The following EEF2K variants were observed in gnomAD, a reference collection of about 807,000 sequenced individuals.
EEF2K encodes eukaryotic elongation factor 2 kinase.
EEF2K carries 70 observed loss-of-function variants against 93.8 expected under a neutral mutation model. The ratio of observed to expected loss-of-function variants is 0.75; its 90% CI spans 0.62 to 0.91. EEF2K has a LOEUF of 0.91. EEF2K is among the 40% of genes least tolerant of loss of function. The probability of loss-of-function intolerance (pLI) is 0.00; values close to 1 mark genes in which losing one functional copy is unlikely to be tolerated. For synonymous variants in EEF2K, 376 were observed against 380.8 expected, an observed-to-expected ratio of 0.99 and a Z score of 0.15; for missense variants, 935 against 972.9, an observed-to-expected ratio of 0.96 and a Z score of 0.52.
intron 15 of EEF2K, among the ~76,000 whole-genome samples, chr16:22,267,971 C>T (rs986369450): frequency 2.6e-5 from 4 of 152,094 alleles, no homozygotes; most frequent in Admixed American, 1.3e-4. Context: ...CTCCCCATCA[C>T]GTGGGCCAAC....
At chr16:22,259,532 GTC>G (rs2141675439) in intron 10 of EEF2K, among the ~76,000 whole-genome samples, 1 of 152,276 alleles carries the variant, frequency 6.6e-6, no homozygotes, top group South Asian at 2.1e-4. Context: ...AGGTCATTCA[GTC>G]TCTGCATTTG....
chr16:22,280,477 G>A (rs2047682575), intron 17 of EEF2K, 101 bp downstream of exon 17: 1 of 1,248,470 alleles, frequency 8.0e-7, no homozygotes, highest in Non-Finnish European at 1.0e-6. Flanking sequence ...ATGACAGGCT[G>A]AATCTTCTTC....
chr16:22,228,825 A>G (rs2047088907), intron 2 of EEF2K, among the ~76,000 whole-genome samples: 1 of 152,232 alleles, frequency 6.6e-6, no homozygotes, highest in Admixed American at 6.5e-5. Flanking sequence ...GAGGCAGGCA[A>G]TAAGCTTGGA....
rs754314099 is a variant in EEF2K, at chr16:22,258,631, C to A, written c.1167C>A (p.Thr389=). The A allele has an allele frequency of 7.4e-6, 12 of 1,614,172 alleles. No homozygotes were observed. The East Asian group carries it at 2.7e-4, about 36-fold the overall frequency. The stretch of plus-strand genomic sequence containing the variant: ...GAGACGAGAACATGAGCGACGTGAC[C>A]TTCGACTCTCTCCCTTCTTCCCCAT... ...NSGDENMSDV[T]FDSLPSSPSS... is the part of the protein sequence containing the mutation. The change falls in exon 10 of 18, where the codon ACC becomes ACA. Residue 389 remains threonine, a synonymous_variant. Coordinates refer to ENST00000263026, the MANE Select transcript of EEF2K (RefSeq NM_013302.5).
intron 16 of EEF2K, among the ~76,000 whole-genome samples, chr16:22,277,814 G>T (rs1445396755): frequency 1.3e-5 from 2 of 151,358 alleles, no homozygotes; most frequent in East Asian, 1.9e-4. Flanking sequence ...ACAGAAATTT[G>T]CTGGCTCTTA....
At chr16:22,283,062 A>G (rs2047711680) in intron 17 of EEF2K, among the ~76,000 whole-genome samples, 1 of 152,192 alleles carries the variant, frequency 6.6e-6, no homozygotes, top group Non-Finnish European at 1.5e-5. Context: ...TAATCCCAGC[A>G]CTTTGGGAGG....
rs1567282364 is a variant in EEF2K, at chr16:22,260,541, G to C, written c.1299+12G>C. ...TAGACAACCACCGGGTGAGTGTGAA[G>C]GGAGGGAGGCTGCAGGCTTCAGACC... On this transcript the variant is annotated intron_variant, in intron 11 of 17. Transcript: ENST00000263026. 6.2e-7 allele frequency: 1 copy of C among 1,613,986 alleles called. No individual in the cohort carries two copies. Among genetic ancestry groups the C allele is most frequent in the Non-Finnish European group, 8.5e-7 (1 of 1,180,022 alleles).
intron 10 of EEF2K, among the ~76,000 whole-genome samples, chr16:22,259,392 G>A (rs1210371570): frequency 6.6e-6 from 1 of 152,204 alleles, no homozygotes; most frequent in African/African-American, 2.4e-5. Flanking sequence ...CTTTGAAAGA[G>A]AGAAAGATTT....
chr16:22,225,623 A>G (rs1036909870), intron 1 of EEF2K, 31 bp from the exon 2 acceptor site: 27 of 1,509,000 alleles, frequency 1.8e-5, no homozygotes, highest in Non-Finnish European at 2.3e-5. Flanking sequence ...GGGCCCCAGC[A>G]CCCACTCTCT....
intron 2 of EEF2K, among the ~76,000 whole-genome samples, chr16:22,239,187 A>G (rs2047197200): frequency 1.3e-5 from 2 of 151,842 alleles, no homozygotes; most frequent in Non-Finnish European, 1.5e-5. Context: ...TTTTTATTCT[A>G]TGAAATACCA....
intron 1 of EEF2K, among the ~76,000 whole-genome samples, chr16:22,213,227 C>T (rs1229099400): frequency 6.6e-6 from 1 of 152,180 alleles, no homozygotes; most frequent in Non-Finnish European, 1.5e-5. Flanking sequence ...TTGCAGTGAG[C>T]CAAGATGTAG....
In EEF2K at chr16:22,225,706, G is replaced by C; in HGVS notation, c.-24G>C. 6.2e-7 allele frequency: 1 copy of C among 1,610,930 alleles called. No homozygotes were observed. The highest frequency in any genetic ancestry group is 1.1e-5 in the South Asian group (1 of 90,656). On this transcript the variant is annotated 5_prime_UTR_variant, in exon 2 of 18. Coordinates refer to ENST00000263026, the MANE Select transcript of EEF2K (RefSeq NM_013302.5). ...ACTCTGGCTGTGCCGGATACTGCTT[G>C]GGTAAAACGGGCACCCCAGGAACAT...
At chr16:22,270,557 C>T (rs1039463400) in intron 15 of EEF2K, among the ~76,000 whole-genome samples, 3 of 152,026 alleles carry the variant, frequency 2.0e-5, no homozygotes, top group African/African-American at 7.2e-5. Context: ...AGCCAGCTCC[C>T]CGATTCTTTT....
intron 4 of EEF2K, among the ~76,000 whole-genome samples, chr16:22,249,176 G>T (rs1426798045): frequency 6.6e-6 from 1 of 151,492 alleles, no homozygotes; most frequent in African/African-American, 2.4e-5. Context: ...CCACTATGTT[G>T]CCCAGGCTGG....
chr16:22,266,292 C>T (rs1376934764), intron 13 of EEF2K, 98 bp from the exon 14 acceptor site: 34 of 1,496,016 alleles, frequency 2.3e-5, no homozygotes, highest in African/African-American at 2.8e-5. Flanking sequence ...CTCCCCATCT[C>T]CCTCCAGCCA....
Position 22,288,227 on chromosome 16 carries a change from G to A in EEF2K, c.*4231G>A, listed in dbSNP as rs577762647. The A allele has an allele frequency of 6.6e-6, 1 of 152,284 alleles. No homozygotes were observed. Among genetic ancestry groups the A allele is most frequent in the South Asian group, 2.1e-4 (1 of 4,818 alleles). The allele number at this position is 152,284 out of a possible 1,614,324, so 9.4% of individuals were successfully genotyped here. On this transcript the variant is annotated 3_prime_UTR_variant, in exon 18 of 18. Coordinates refer to ENST00000263026, the MANE Select transcript of EEF2K (RefSeq NM_013302.5). ...GCTGGTTTCAAACTCCTGACATTAG[G>A]TGATCCACCTGCCTCGGCCTCCCAA...
chr16:22,271,196 C>G (rs1046841942), intron 15 of EEF2K, among the ~76,000 whole-genome samples: 29 of 151,848 alleles, frequency 1.9e-4, no homozygotes, highest in Admixed American at 1.7e-3. Context: ...TCTCGAACTA[C>G]TGACCTCAGG....
chr16:22,258,543 C>T lies in EEF2K; in HGVS notation c.1079C>T (p.Pro360Leu). ...LRGTEEKCGS[P>L]QVRTLSGSRP... ...GGAACAGAGGAAAAATGTGGGAGCC[C>T]CCAAGTAAGGACCCTCTCTGGGAGC... Residue 360 changes from proline to leucine, a missense_variant, in exon 10 of 18, where the codon CCC becomes CTC. Coordinates refer to ENST00000263026, the MANE Select transcript of EEF2K (RefSeq NM_013302.5). 6.2e-7 allele frequency: 1 copy of T among 1,613,992 alleles called. No individual in the cohort carries two copies. Among genetic ancestry groups the T allele is most frequent in the East Asian group, 2.2e-5 (1 of 44,870 alleles).
chr16:22,276,576 A>C (rs2047637776), intron 16 of EEF2K, among the ~76,000 whole-genome samples: 1 of 152,164 alleles, frequency 6.6e-6, no homozygotes, highest in Non-Finnish European at 1.5e-5. Context: ...TAGGCGAAGG[A>C]GAAGGTGCTA....
Sources: gnomAD v4.1 joint callset for allele counts (sites outside exome capture counted in the v4.1 genomes callset) on GRCh38, gnomAD v4.1.1 for gene constraint, MANE v1.5 for transcripts, NCBI Gene and HGNC (gene_info 2026-07-23, HGNC 2026-07-21) for gene names.